The following SEPHS1 variants were observed in gnomAD, a reference collection of about 807,000 sequenced individuals.
The protein encoded by SEPHS1 is selenophosphate synthetase 1.
In SEPHS1, 7 loss-of-function variants were observed where a neutral mutation model predicts 39.2. That is an observed-to-expected ratio of 0.18 (90% confidence interval 0.10 to 0.34). SEPHS1 has a LOEUF of 0.34. SEPHS1 is among the 10% of genes least tolerant of loss of function. The probability of loss-of-function intolerance (pLI) is 1.00; values close to 1 mark genes in which losing one functional copy is unlikely to be tolerated. For missense variants in SEPHS1, 253 were observed against 514.5 expected (o/e 0.49, Z 4.92); for synonymous variants, 190 against 195.5 (o/e 0.97, Z 0.23).
At position 13,329,809 on chromosome 10, in the gene SEPHS1, T is replaced by A. The variant is rs761758566; in HGVS notation, c.561-21A>T. The A allele has an allele frequency of 1.4e-5, 22 of 1,583,646 alleles. 1 individual carries two copies. The South Asian group carries it at 2.5e-4, about 18-fold the overall frequency. On this transcript the variant is annotated intron_variant, in intron 5 of 8. Coordinates refer to ENST00000327347, the MANE Select transcript of SEPHS1 (RefSeq NM_012247.5). ...CTGGCCTGAAGAAAAGAAAAGGGCA[T>A]GTTCTAGTCAAACTAACCAAGGAGA...
intron 8 of SEPHS1, among the ~76,000 whole-genome samples, chr10:13,320,768 C>T (rs1164644612): frequency 6.6e-6 from 1 of 152,000 alleles, no homozygotes; most frequent in African/African-American, 2.4e-5. Context: ...GGGGAGGTTG[C>T]AGTGAGCTGA....
chr10:13,319,424 C>G, intron 8 of SEPHS1, 68 bp from the exon 9 acceptor site: 1 of 1,495,932 alleles, frequency 6.7e-7, no homozygotes, highest in South Asian at 1.2e-5. Flanking sequence ...TCTGCTGCTT[C>G]TGCAGAGATC....
At position 13,319,352 on chromosome 10, in the gene SEPHS1, G is replaced by A. The variant is rs1306481104; in HGVS notation, c.969C>T (p.Gly323=). Residue 323 remains glycine (G), a synonymous_variant, in exon 9 of 9, where the codon GGC becomes GGT. Coordinates refer to ENST00000327347, the MANE Select transcript of SEPHS1 (RefSeq NM_012247.5). Reference sequence around the variant, plus strand: ...GCTCACGTGGTAAACAGATCAGAAGGCCGCCTGGCAAAAGAAAACAAGAAT... The same window carrying A: ...GCTCACGTGGTAAACAGATCAGAAGACCGCCTGGCAAAAGAAAACAAGAAT... ...MHGTCPETSG[G]LLICLPREQA... is the part of the protein sequence containing the mutation. 1 of 1,611,938 alleles carries A rather than the reference G, an allele frequency of 6.2e-7. No homozygotes were observed. The highest frequency in any genetic ancestry group is 8.5e-7 in the Non-Finnish European group (1 of 1,179,478).
At chr10:13,322,172 C>T (rs1833138425) in intron 8 of SEPHS1, 3 of 374,772 alleles carry the variant, frequency 8.0e-6, no homozygotes, top group South Asian at 2.0e-5. Context: ...GGCAGAATCT[C>T]GCTCTGTCAC....
chr10:13,325,952 AAAAAAAAAAAAAT>A (rs1390301133), intron 7 of SEPHS1, among the ~76,000 whole-genome samples: 1 of 107,990 alleles, frequency 9.3e-6, no homozygotes, highest in East Asian at 3.0e-4. Flanking sequence ...GTCTCAAAAA[AAAAAAAAAAAAAT>A]AATAATAATA....
intron 2 of SEPHS1, among the ~76,000 whole-genome samples, chr10:13,344,206 GCA>G (rs930854031): frequency 8.5e-5 from 13 of 152,130 alleles, no homozygotes; most frequent in African/African-American, 1.2e-4. Flanking sequence ...TCCAAGTACA[GCA>G]CAAGAACCCT....
At chr10:13,324,171 C>A (rs1483630592) in intron 7 of SEPHS1, among the ~76,000 whole-genome samples, 1 of 152,202 alleles carries the variant, frequency 6.6e-6, no homozygotes, top group African/African-American at 2.4e-5. Context: ...CAGTTGGAAT[C>A]CTTCTGTATG....
intron 7 of SEPHS1, among the ~76,000 whole-genome samples, chr10:13,326,593 G>C (rs1257349815): frequency 1.3e-5 from 2 of 150,464 alleles, no homozygotes; most frequent in African/African-American, 4.9e-5. Flanking sequence ...TGTCACCCAG[G>C]CTGAAGCGTA....
intron 2 of SEPHS1, among the ~76,000 whole-genome samples, chr10:13,339,339 AAG>A (rs1474032628): frequency 6.6e-6 from 1 of 152,172 alleles, no homozygotes; most frequent in Non-Finnish European, 1.5e-5. Flanking sequence ...GATGAAATGA[AAG>A]GACAAATCCC....
chr10:13,323,015 C>T lies in SEPHS1; in HGVS notation c.784G>A (p.Ala262Thr). ...AGLMHTFNAHAATDITGFGIL... is the reference protein window; with the variant it reads ...AGLMHTFNAHTATDITGFGIL... The stretch of plus-strand genomic sequence containing the variant: ...CCGAAGCCCGTGATGTCAGTGGCGG[C>T]GTGGGCATTGAACGTGTGCATGAGT... Residue 262 changes from alanine (A) to threonine (T), a missense_variant, in exon 8 of 9, where the codon GCC (alanine) becomes ACC (threonine). Ala to Thr is a moderately conservative substitution (Grantham distance 58). Transcript: ENST00000327347. 2 of 1,613,990 alleles carry T rather than the reference C, an allele frequency of 1.2e-6. No homozygotes were observed. The highest frequency in any genetic ancestry group is 1.7e-6 in the Non-Finnish European group (2 of 1,179,982).
rs763886552 is a variant in SEPHS1 at position 13,319,103 on chromosome 10, C to T, written c.*39G>A. Reference sequence around the variant, plus strand: ...AATTGAAGTGATAAGGGAAATAGATCTATTTAAAAACAAAACCAAACAGCT... The same window carrying T: ...AATTGAAGTGATAAGGGAAATAGATTTATTTAAAAACAAAACCAAACAGCT... On this transcript the variant is annotated 3_prime_UTR_variant, in exon 9 of 9. Transcript: ENST00000327347. The T allele has an allele frequency of 1.9e-6, 3 of 1,579,688 alleles. No homozygotes were observed. The highest frequency in any genetic ancestry group is 2.6e-6 in the Non-Finnish European group (3 of 1,152,882).
chr10:13,323,058 GA>G lies in SEPHS1; in HGVS notation c.752-12del, dbSNP rs778559625. The G allele has an allele frequency of 7.4e-6, 12 of 1,613,174 alleles. No homozygotes were observed. In the Admixed American group the frequency reaches 1.5e-4, roughly 20 times the overall value. The stretch of plus-strand genomic sequence containing the variant: ...GCATGAGTCCTGCAGCTGGGAGAGA[GA>G]GGGGGCGGCTCTGAGAAAAAACACC... On this transcript the variant is annotated splice_polypyrimidine_tract_variant and intron_variant, in intron 7 of 8. Transcript: ENST00000327347.
At chr10:13,345,916 T>C (rs953942623) in intron 1 of SEPHS1, among the ~76,000 whole-genome samples, 1 of 152,168 alleles carries the variant, frequency 6.6e-6, no homozygotes, top group African/African-American at 2.4e-5. Context: ...CCAAAACTAA[T>C]AGGAGTCCTC....
chr10:13,320,605 C>G (rs998897381), intron 8 of SEPHS1, among the ~76,000 whole-genome samples: 1 of 151,630 alleles, frequency 6.6e-6, no homozygotes, highest in South Asian at 2.1e-4. Flanking sequence ...TTTGGGAGGC[C>G]GAGGCGGGTG....
At chr10:13,319,497 G>C in intron 8 of SEPHS1, 141 bp from the exon 9 acceptor site, 2 of 839,956 alleles carry the variant, frequency 2.4e-6, no homozygotes, top group Non-Finnish European at 3.9e-6. Flanking sequence ...CAACTAAGCA[G>C]CTTTTTTTTG....
intron 2 of SEPHS1, 26 bp downstream of exon 2, chr10:13,344,732 C>G (rs755670238): frequency 1.4e-6 from 2 of 1,430,922 alleles, no homozygotes; most frequent in African/African-American, 2.9e-5. Flanking sequence ...GATCGCAGAC[C>G]ATCAAAGAAA....
chr10:13,319,423 T>G, intron 8 of SEPHS1, 67 bp from the exon 9 acceptor site: 2 of 1,476,444 alleles, frequency 1.4e-6, no homozygotes, highest in South Asian at 1.2e-5. Context: ...CTCTGCTGCT[T>G]CTGCAGAGAT....
chr10:13,325,961 A>G (rs143203004), intron 7 of SEPHS1, among the ~76,000 whole-genome samples: 4,449 of 45,784 alleles, frequency 0.097, 209 homozygotes, highest in East Asian at 0.38. Flanking sequence ...AAAAAAAAAA[A>G]AAATAATAAT....
intron 3 of SEPHS1, among the ~76,000 whole-genome samples, chr10:13,337,070 G>A (rs1166668984): frequency 6.6e-6 from 1 of 152,280 alleles, no homozygotes; most frequent in East Asian, 1.9e-4. Flanking sequence ...AGAATTGCTT[G>A]AACCTGGGAG....
Sources: allele counts gnomAD v4.1 joint callset (sites outside exome capture counted in the v4.1 genomes callset), GRCh38; gene constraint gnomAD v4.1.1; transcripts MANE v1.5; gene names NCBI Gene and HGNC (gene_info 2026-07-23, HGNC 2026-07-21).